The following LCOR variants were observed in gnomAD, a reference collection of about 807,000 sequenced individuals.
The protein encoded by LCOR is ligand-dependent corepressor.
Under a neutral mutation model 64.4 loss-of-function variants are expected in LCOR, and 14 were observed. The ratio of observed to expected loss-of-function variants is 0.22; its 90% CI spans 0.14 to 0.34. The LOEUF (loss-of-function observed/expected upper bound fraction) is 0.34, where lower values mean the gene tolerates loss of function less well. Ranked by LOEUF, LCOR falls within the 10% of genes least tolerant of loss-of-function variation. The pLI is 1.00. For synonymous variants in LCOR, 643 were observed against 642.5 expected, an observed-to-expected ratio of 1.00 and a Z score of -0.01; for missense variants, 1,686 against 1,765.3, an observed-to-expected ratio of 0.96 and a Z score of 0.80.
intron 2 of LCOR, among the ~76,000 whole-genome samples, chr10:96,841,217 CAAG>C (rs1188400242): frequency 6.6e-6 from 1 of 152,116 alleles, no homozygotes; most frequent in Admixed American, 6.6e-5. Context: ...AGTTGTCTCA[CAAG>C]AATTTTTTAA....
chr10:96,846,435 A>G (rs1012765888), intron 2 of LCOR, among the ~76,000 whole-genome samples: 8 of 151,730 alleles, frequency 5.3e-5, no homozygotes, highest in Non-Finnish European at 1.0e-4. Flanking sequence ...TTTTTCTTCT[A>G]GAGATGGGGT....
At chr10:96,846,312 T>C (rs1845629379) in intron 2 of LCOR, among the ~76,000 whole-genome samples, 1 of 152,066 alleles carries the variant, frequency 6.6e-6, no homozygotes. Context: ...TGGAGTACAG[T>C]TGTGCATTCT....
intron 4 of LCOR, among the ~76,000 whole-genome samples, chr10:96,939,688 G>A (rs1847414168): frequency 6.6e-6 from 1 of 152,218 alleles, no homozygotes; most frequent in Non-Finnish European, 1.5e-5. Flanking sequence ...ATCTAGGCCG[G>A]GCGCGGGGCC....
At chr10:96,833,076 C>G in intron 1 of LCOR, 3 of 986,382 alleles carry the variant, frequency 3.0e-6, no homozygotes, top group Non-Finnish European at 3.6e-6. Flanking sequence ...ACTTCCTCAG[C>G]GGGCGGCGGT....
chr10:96,970,844 C>T (rs1016455222), intron 7 of LCOR, among the ~76,000 whole-genome samples: 3 of 151,716 alleles, frequency 2.0e-5, no homozygotes, highest in Non-Finnish European at 4.4e-5. Context: ...GTCTCGAACT[C>T]CTGAGCTCAG....
At chr10:96,963,997 A>G (rs1360715065) in intron 7 of LCOR, 1 of 152,080 alleles carries the variant, frequency 6.6e-6, no homozygotes, top group African/African-American at 2.4e-5. Context: ...GTATAATTTA[A>G]TATTTCTCTT....
At chr10:96,876,844 T>A (rs1846174103) in intron 2 of LCOR, among the ~76,000 whole-genome samples, 1 of 152,058 alleles carries the variant, frequency 6.6e-6, no homozygotes, top group African/African-American at 2.4e-5. Flanking sequence ...CAGGTGCCTG[T>A]CACCACACCC....
intron 4 of LCOR, among the ~76,000 whole-genome samples, chr10:96,917,362 A>G (rs1026896786): frequency 5.3e-5 from 8 of 152,270 alleles, no homozygotes; most frequent in Non-Finnish European, 8.8e-5. Context: ...AAAAGCAATT[A>G]GACTTGTAAT....
chr10:96,973,008 G>A (rs988236358), intron 7 of LCOR, among the ~76,000 whole-genome samples: 1 of 152,134 alleles, frequency 6.6e-6, no homozygotes, highest in Non-Finnish European at 1.5e-5. Context: ...GGGGTGAAGA[G>A]ATACATCCTG....
intron 6 of LCOR, among the ~76,000 whole-genome samples, chr10:96,950,639 T>A (rs901747008): frequency 6.6e-6 from 1 of 152,104 alleles, no homozygotes; most frequent in Non-Finnish European, 1.5e-5. Context: ...GACAGCATGC[T>A]CTTAAAAAGA....
At chr10:96,973,747 T>G (rs527782741) in intron 7 of LCOR, among the ~76,000 whole-genome samples, 1 of 152,242 alleles carries the variant, frequency 6.6e-6, no homozygotes, top group Admixed American at 6.5e-5. Context: ...TTAGCTCCTA[T>G]CCAAACATCA....
At chr10:96,888,309 G>A (rs1195585077) in intron 2 of LCOR, among the ~76,000 whole-genome samples, 1 of 122,912 alleles carries the variant, frequency 8.1e-6, no homozygotes, top group Non-Finnish European at 1.6e-5. Context: ...AGGTTGCAGT[G>A]AGCCAGATCA....
intron 2 of LCOR, among the ~76,000 whole-genome samples, chr10:96,884,957 T>C (rs1175421072): frequency 2.6e-5 from 4 of 152,170 alleles, no homozygotes; most frequent in African/African-American, 7.2e-5. Flanking sequence ...TGTGTGTTTG[T>C]TGGGGAGGGG....
intron 2 of LCOR, among the ~76,000 whole-genome samples, chr10:96,860,301 T>G (rs574587040): frequency 1.3e-5 from 2 of 152,268 alleles, no homozygotes; most frequent in African/African-American, 4.8e-5. Context: ...AGTCATACTA[T>G]ATTAGGGTGG....
At chr10:96,837,048 G>A (rs1409329081) in intron 2 of LCOR, among the ~76,000 whole-genome samples, 1 of 150,932 alleles carries the variant, frequency 6.6e-6, no homozygotes, top group African/African-American at 2.4e-5. Flanking sequence ...CTGGAGTGCA[G>A]TGGCACCATT....
At chr10:96,929,509 T>G (rs748591015) in intron 4 of LCOR, among the ~76,000 whole-genome samples, 1 of 152,274 alleles carries the variant, frequency 6.6e-6, no homozygotes, top group Non-Finnish European at 1.5e-5. Context: ...TGCTCTGGAT[T>G]AGGCTTTGGC....
chr10:96,883,775 C>T (rs1424447318), intron 2 of LCOR, among the ~76,000 whole-genome samples: 1 of 152,108 alleles, frequency 6.6e-6, no homozygotes, highest in African/African-American at 2.4e-5. Flanking sequence ...ATTTATTTCC[C>T]AGTCTGTGGT....
chr10:96,890,341 C>A (rs916092522), intron 2 of LCOR, among the ~76,000 whole-genome samples: 7 of 152,104 alleles, frequency 4.6e-5, no homozygotes, highest in Non-Finnish European at 1.0e-4. Context: ...ACCTCTACTT[C>A]CCCAAAGCAC....
rs187351276 is a variant in LCOR at position 96,882,946 on chromosome 10, G to A, written c.-329-24319G>A. ...CTTTTTAGCAGTGTCTAGATGTATCGTTTATCCATTCACTTACTACCAGGC... is the reference window on the plus strand; with the variant it reads ...CTTTTTAGCAGTGTCTAGATGTATCATTTATCCATTCACTTACTACCAGGC... On this transcript the variant is annotated intron_variant, in intron 2 of 7. Transcript: ENST00000421806. 4.6e-4 allele frequency among the ~76,000 whole-genome samples: 70 copies of A among 152,206 alleles called. 2 individuals are homozygous for A. Among genetic ancestry groups the A allele is most frequent in the African/African-American group, 1.6e-3 (66 of 41,524 alleles).
Sources: gnomAD v4.1 joint callset for allele counts (sites outside exome capture counted in the v4.1 genomes callset) on GRCh38, gnomAD v4.1.1 for gene constraint, MANE v1.5 for transcripts, NCBI Gene and HGNC (gene_info 2026-07-23, HGNC 2026-07-21) for gene names.